FAM174A: variants seen among roughly 807,000 people sequenced by gnomAD.
The protein encoded by FAM174A is family with sequence similarity 174 member A.
FAM174A carries 14 observed loss-of-function variants against 14.3 expected under a neutral mutation model. The observed-to-expected ratio is 0.98, with a 90% CI of 0.65 to 1.53. The LOEUF (loss-of-function observed/expected upper bound fraction) is 1.53. Among genes scored for constraint, FAM174A ranks in the 40% most tolerant of loss-of-function variants. The probability of loss-of-function intolerance (pLI) is 0.00; values close to 1 mark genes in which losing one functional copy is unlikely to be tolerated. For synonymous variants in FAM174A, 108 were observed against 111.4 expected, an observed-to-expected ratio of 0.97 and a Z score of 0.19; for missense variants, 241 against 249.6, an observed-to-expected ratio of 0.97 and a Z score of 0.23.
intron 1 of FAM174A, among the ~76,000 whole-genome samples, chr5:100,540,369 T>C (rs775688894): frequency 6.6e-6 from 1 of 152,184 alleles, no homozygotes; most frequent in Non-Finnish European, 1.5e-5. Flanking sequence ...TGAGGGTTAG[T>C]AGTGCACAAG....
chr5:100,579,503 C>A (rs1746967152), intron 2 of FAM174A, among the ~76,000 whole-genome samples: 1 of 152,040 alleles, frequency 6.6e-6, no homozygotes, highest in Non-Finnish European at 1.5e-5. Context: ...CGTCTCGCTG[C>A]AGCCTCCCGC....
At chr5:100,580,662 C>T (rs923204020) in intron 2 of FAM174A, among the ~76,000 whole-genome samples, 8 of 152,194 alleles carry the variant, frequency 5.3e-5, no homozygotes, top group Non-Finnish European at 1.2e-4. Context: ...TGTTAATCTC[C>T]TTTGGTAGCA....
chr5:100,555,140 CAT>C lies in FAM174A; in HGVS notation c.435-6913_435-6912del, dbSNP rs1703629310. 3.3e-5 allele frequency among the ~76,000 whole-genome samples: 5 copies of C among 150,750 alleles called. No individual in the cohort carries two copies. The South Asian group carries it at 1.1e-3, about 32-fold the overall frequency. ...TCCCCTTCCTGTGTCCATGTGTTCT[CAT>C]TGTTCAATTCCCAGCTATGAGTGAG... On this transcript the variant is annotated intron_variant, in intron 1 of 2. Transcript: ENST00000312637.
chr5:100,569,452 T>C (rs1746730857), intron 2 of FAM174A, among the ~76,000 whole-genome samples: 1 of 151,748 alleles, frequency 6.6e-6, no homozygotes, highest in South Asian at 2.1e-4. Context: ...ATAACCATGG[T>C]TTATTCAATC....
intron 2 of FAM174A, among the ~76,000 whole-genome samples, chr5:100,564,476 C>A (rs139276840): frequency 2.8e-4 from 42 of 151,558 alleles, no homozygotes; most frequent in African/African-American, 9.9e-4. Flanking sequence ...CAGAAAGTGG[C>A]AAAAGAAAAA....
chr5:100,559,490 G>A (rs544622179), intron 1 of FAM174A, among the ~76,000 whole-genome samples: 7 of 151,868 alleles, frequency 4.6e-5, no homozygotes, highest in Non-Finnish European at 1.0e-4. Context: ...GGCCTGCCTT[G>A]CTAGAACTTC....
At chr5:100,581,299 A>ATCCTTAGCTACT (rs1747006484) in intron 2 of FAM174A, 5 of 815,108 alleles carry the variant, frequency 6.1e-6, no homozygotes, top group Non-Finnish European at 5.9e-6. Context: ...GAGAGTAGGA[A>ATCCTTAGCTACT]TCCTTAGCTA....
At chr5:100,551,618 A>C (rs889619930) in intron 1 of FAM174A, among the ~76,000 whole-genome samples, 1 of 151,912 alleles carries the variant, frequency 6.6e-6, no homozygotes, top group Non-Finnish European at 1.5e-5. Flanking sequence ...CTTGTATTCT[A>C]TATTAATTTG....
chr5:100,543,418 A>G (rs1023544320), intron 1 of FAM174A, among the ~76,000 whole-genome samples: 10 of 152,196 alleles, frequency 6.6e-5, no homozygotes, highest in Non-Finnish European at 1.5e-4. Context: ...TCACCCGCCA[A>G]CTAGCCACAT....
At chr5:100,565,922 G>A (rs1746634129) in intron 2 of FAM174A, among the ~76,000 whole-genome samples, 2 of 151,352 alleles carry the variant, frequency 1.3e-5, no homozygotes, top group South Asian at 4.2e-4. Context: ...AGGCAAGAGA[G>A]CATGTGTAGG....
chr5:100,563,798 A>T (rs1746581454), intron 2 of FAM174A, among the ~76,000 whole-genome samples: 1 of 151,848 alleles, frequency 6.6e-6, no homozygotes, highest in Non-Finnish European at 1.5e-5. Context: ...GTCTTTTCCA[A>T]CCTCCATGGA....
At chr5:100,543,555 T>G (rs1746106612) in intron 1 of FAM174A, among the ~76,000 whole-genome samples, 1 of 152,286 alleles carries the variant, frequency 6.6e-6, no homozygotes, top group African/African-American at 2.4e-5. Flanking sequence ...GGGATCAATG[T>G]TCATACTCTT....
intron 1 of FAM174A, among the ~76,000 whole-genome samples, chr5:100,544,274 CTG>C (rs1201883386): frequency 6.6e-6 from 1 of 152,074 alleles, no homozygotes; most frequent in Non-Finnish European, 1.5e-5. Context: ...AAGTGAATCA[CTG>C]GAGTCCAGGA....
chr5:100,549,038 G>GTATC (rs1746214065), intron 1 of FAM174A, among the ~76,000 whole-genome samples: 1 of 151,910 alleles, frequency 6.6e-6, no homozygotes, highest in African/African-American at 2.4e-5. Context: ...ATACGTATAT[G>GTATC]TATCTATGTA....
chr5:100,573,874 A>G (rs1033487956), intron 2 of FAM174A, among the ~76,000 whole-genome samples: 4 of 151,936 alleles, frequency 2.6e-5, no homozygotes, highest in African/African-American at 9.7e-5. Flanking sequence ...GTACCAAAAC[A>G]GAGATATAGA....
intron 1 of FAM174A, among the ~76,000 whole-genome samples, chr5:100,553,866 G>A (rs755340743): frequency 1.3e-5 from 2 of 152,228 alleles, no homozygotes; most frequent in East Asian, 1.9e-4. Flanking sequence ...ATTAGGAATC[G>A]TTAAAGACTT....
intron 2 of FAM174A, among the ~76,000 whole-genome samples, chr5:100,566,008 C>T (rs1182714130): frequency 6.7e-6 from 1 of 149,578 alleles, no homozygotes; most frequent in East Asian, 2.0e-4. Flanking sequence ...GAAAAACTTG[C>T]CCCTGTGTTT....
At chr5:100,552,828 A>G (rs1446405963) in intron 1 of FAM174A, among the ~76,000 whole-genome samples, 1 of 152,086 alleles carries the variant, frequency 6.6e-6, no homozygotes, top group Non-Finnish European at 1.5e-5. Flanking sequence ...GAATACCTAG[A>G]AAGCATCTGA....
intron 1 of FAM174A, among the ~76,000 whole-genome samples, chr5:100,547,115 A>G (rs1230510721): frequency 6.6e-6 from 1 of 152,118 alleles, no homozygotes; most frequent in Non-Finnish European, 1.5e-5. Context: ...AATCTAGCCT[A>G]GGGATTGACA....
Sources: gnomAD v4.1 joint callset for allele counts (sites outside exome capture counted in the v4.1 genomes callset) on GRCh38, gnomAD v4.1.1 for gene constraint, MANE v1.5 for transcripts, NCBI Gene and HGNC (gene_info 2026-07-23, HGNC 2026-07-21) for gene names.